AMPH: variants seen among roughly 807,000 people sequenced by gnomAD.
AMPH encodes the protein amphiphysin, also known as amphiphysin (Stiff-Mann syndrome with breast cancer 128kD autoantigen).
Under a neutral mutation model 99.1 loss-of-function variants are expected in AMPH, and 49 were observed. That is an observed-to-expected ratio of 0.49 (90% CI 0.39 to 0.63). The LOEUF (loss-of-function observed/expected upper bound fraction) is 0.63, where lower values mean the gene tolerates loss of function less well. Among genes scored for constraint, AMPH ranks in the 20% least tolerant of loss-of-function variants. The pLI is 0.00. For synonymous variants in AMPH, 314 were observed against 317.3 expected (o/e 0.99, Z 0.11); for missense variants, 759 against 863.4 (o/e 0.88, Z 1.52).
intron 1 of AMPH, among the ~76,000 whole-genome samples, chr7:38,616,193 C>G (rs887881037): frequency 6.6e-6 from 1 of 152,260 alleles, no homozygotes; most frequent in East Asian, 1.9e-4. Context: ...CACTCCCCCA[C>G]CTGATTCAAA....
At chr7:38,449,367 C>A (rs2284252) in intron 11 of AMPH, among the ~76,000 whole-genome samples, 8,639 of 152,210 alleles carry the variant, frequency 0.057, 639 homozygotes, top group East Asian at 0.35. Context: ...AGCAGAAAGA[C>A]GGCAGGTTTG....
At chr7:38,587,389 A>G (rs1792695188) in intron 1 of AMPH, among the ~76,000 whole-genome samples, 1 of 152,180 alleles carries the variant, frequency 6.6e-6, no homozygotes, top group African/African-American at 2.4e-5. Flanking sequence ...GTTCCAGGAG[A>G]AACTGTCAGC....
chr7:38,491,859 T>C (rs540226517), intron 4 of AMPH, among the ~76,000 whole-genome samples: 9 of 152,320 alleles, frequency 5.9e-5, no homozygotes, highest in Admixed American at 1.3e-4. Flanking sequence ...AGCCATGATA[T>C]GAAAGTCAGG....
At chr7:38,385,251 G>A (rs2128971565) in intron 20 of AMPH, among the ~76,000 whole-genome samples, 1 of 152,270 alleles carries the variant, frequency 6.6e-6, no homozygotes, top group African/African-American at 2.4e-5. Context: ...TTAAAGAGGA[G>A]AAAAGGATTA....
At chr7:38,554,633 A>G (rs935996055) in intron 1 of AMPH, among the ~76,000 whole-genome samples, 6 of 152,242 alleles carry the variant, frequency 3.9e-5, no homozygotes, top group Admixed American at 2.6e-4. Flanking sequence ...CACTTCTTAA[A>G]TTATGAGTGG....
At chr7:38,587,431 G>C (rs1209387063) in intron 1 of AMPH, among the ~76,000 whole-genome samples, 1 of 152,192 alleles carries the variant, frequency 6.6e-6, no homozygotes, top group African/African-American at 2.4e-5. Flanking sequence ...TGGTATTTAA[G>C]TCCAGGTAAT....
intron 7 of AMPH, among the ~76,000 whole-genome samples, chr7:38,467,200 G>A (rs1161643679): frequency 1.3e-5 from 2 of 152,178 alleles, no homozygotes; most frequent in Admixed American, 6.5e-5. Context: ...GTTCTCTGGG[G>A]CAGAGGTCCT....
chr7:38,581,674 A>G (rs1792471179), intron 1 of AMPH, among the ~76,000 whole-genome samples: 1 of 152,176 alleles, frequency 6.6e-6, no homozygotes, highest in South Asian at 2.1e-4. Context: ...GACGGTTAAG[A>G]GGCTCTGCAG....
In AMPH at chr7:38,428,926, A is replaced by G. The variant is rs1160238013; in HGVS notation, c.1182+916T>C. The G allele has an allele frequency of 3.0e-6, 3 of 1,011,792 alleles. No homozygotes were observed. The African/African-American group carries it at 5.0e-5, about 17-fold the overall frequency. The allele number at this position is 1,011,792 out of a possible 1,614,324, so 62.7% of individuals were successfully genotyped here. A position where few individuals can be genotyped will look rare whatever the true frequency, so the allele number is the denominator to read the frequency against. The stretch of plus-strand genomic sequence containing the variant: ...CTAGTTTCCACTTCATTAATTTTTA[A>G]GGTCTTATGGTCTTCCTTTCCTATG... On this transcript the variant is annotated intron_variant, in intron 14 of 20. Transcript: ENST00000356264.
At chr7:38,455,093 TC>T (rs1787179095) in intron 11 of AMPH, among the ~76,000 whole-genome samples, 1 of 152,018 alleles carries the variant, frequency 6.6e-6, no homozygotes, top group Non-Finnish European at 1.5e-5. Flanking sequence ...TTTTTTTTTT[TC>T]CTGAGATGGA....
chr7:38,580,256 T>C (rs1392444173), intron 1 of AMPH, among the ~76,000 whole-genome samples: 1 of 152,170 alleles, frequency 6.6e-6, no homozygotes, highest in Admixed American at 6.5e-5. Flanking sequence ...ATTATATTCC[T>C]GAATTCCCCC....
intron 15 of AMPH, among the ~76,000 whole-genome samples, chr7:38,424,586 T>C (rs1785715034): frequency 6.6e-6 from 1 of 151,108 alleles, no homozygotes; most frequent in Non-Finnish European, 1.5e-5. Flanking sequence ...AATAATAGAA[T>C]ACTAGTCAGG....
chr7:38,538,419 C>T (rs1252687185), intron 1 of AMPH, among the ~76,000 whole-genome samples: 3 of 152,082 alleles, frequency 2.0e-5, no homozygotes, highest in Non-Finnish European at 4.4e-5. Context: ...GTATTCAAGC[C>T]CAGGGTGGGA....
intron 7 of AMPH, among the ~76,000 whole-genome samples, chr7:38,467,324 A>G (rs187139275): frequency 2.1e-3 from 322 of 152,314 alleles, no homozygotes; most frequent in African/African-American, 7.3e-3. Context: ...TAATTAAGGC[A>G]GCAGCTTGAC....
At chr7:38,392,374 G>GTTTTTTTTT (rs1562722574) in intron 18 of AMPH, among the ~76,000 whole-genome samples, 5 of 90,214 alleles carry the variant, frequency 5.5e-5, no homozygotes, top group Non-Finnish European at 6.5e-5. Flanking sequence ...GGCCGGCCTG[G>GTTTTTTTTT]TTCTTTTTTT....
chr7:38,610,257 A>AGG (rs1562859948), intron 1 of AMPH, among the ~76,000 whole-genome samples: 1 of 31,182 alleles, frequency 3.2e-5, no homozygotes, highest in Non-Finnish European at 6.3e-5. Context: ...AAAAAAAAAA[A>AGG]AAAAAAGAAA....
chr7:38,414,865 T>A (rs540716097), intron 17 of AMPH, among the ~76,000 whole-genome samples: 1 of 152,180 alleles, frequency 6.6e-6, no homozygotes. Context: ...GGTTTCATCA[T>A]GTTGGCCAGG....
chr7:38,492,597 G>A (rs900603232), intron 4 of AMPH, among the ~76,000 whole-genome samples: 2 of 152,164 alleles, frequency 1.3e-5, no homozygotes. Context: ...TAAATCCACT[G>A]TTTAGAAAGG....
intron 14 of AMPH, chr7:38,429,565 C>T: frequency 7.0e-7 from 1 of 1,438,832 alleles, no homozygotes; most frequent in Non-Finnish European, 9.2e-7. Flanking sequence ...GAAAGACTTT[C>T]TGAAGAGTCA....
Sources: allele counts gnomAD v4.1 joint callset (sites outside exome capture counted in the v4.1 genomes callset), GRCh38; gene constraint gnomAD v4.1.1; transcripts MANE v1.5; gene names NCBI Gene and HGNC (gene_info 2026-07-23, HGNC 2026-07-21).